The following PTPRC variants were observed in gnomAD, a reference collection of about 807,000 sequenced individuals.
PTPRC encodes the protein receptor-type tyrosine-protein phosphatase C.
Under a neutral mutation model 155.9 loss-of-function variants are expected in PTPRC, and 44 were observed. That is an observed-to-expected ratio of 0.28 (90% CI 0.22 to 0.36). PTPRC has a LOEUF of 0.36. PTPRC is among the 10% of genes least tolerant of loss of function. The pLI is 1.00. For synonymous variants in PTPRC, 525 were observed against 533.1 expected (o/e 0.98, Z 0.21); for missense variants, 1,401 against 1,564.6 (o/e 0.90, Z 1.76).
At chr1:198,738,780 G>A (rs185164858) in intron 23 of PTPRC, among the ~76,000 whole-genome samples, 26 of 151,654 alleles carry the variant, frequency 1.7e-4, no homozygotes, top group Non-Finnish European at 3.4e-4. Flanking sequence ...ATTAGGTCCC[G>A]GGCTTTTCTT....
intron 3 of PTPRC, chr1:198,694,492 C>A: frequency 1.0e-6 from 1 of 1,003,622 alleles, no homozygotes; most frequent in Non-Finnish European, 1.2e-6. Context: ...GAGAATGTTG[C>A]ATGATTTTCC....
Position 198,706,820 on chromosome 1 carries a change from G to T in PTPRC, c.772G>T (p.Val258Leu). 2 of 1,613,106 alleles carry T rather than the reference G, an allele frequency of 1.2e-6. No individual in the cohort carries two copies. Among genetic ancestry groups the T allele is most frequent in the Non-Finnish European group, 1.7e-6 (2 of 1,179,206 alleles). The change falls in exon 9 of 33, where the codon GTG becomes TTG. Residue 258 changes from valine (V) to leucine (L), a missense_variant. Val to Leu is a conservative substitution (Grantham distance 32, BLOSUM62 1). This residue lies in a region of PTPRC where 867 missense variants were observed against 970.4 expected (regional missense o/e 0.89). Coordinates refer to ENST00000442510, the MANE Select transcript of PTPRC (RefSeq NM_002838.5). ...FTAKLNVNEN[V>L]ECGNNTCTNN... ...AGCAAAGCTAAATGTTAATGAGAAT[G>T]TGGAATGTGGAAACAATACTTGCAC... is the stretch of plus-strand genomic sequence containing the variant.
chr1:198,677,283 G>T (rs1026106660), intron 2 of PTPRC, among the ~76,000 whole-genome samples: 1 of 152,060 alleles, frequency 6.6e-6, no homozygotes, highest in Non-Finnish European at 1.5e-5. Flanking sequence ...AATAATTCCT[G>T]TCACCTGGGG....
chr1:198,704,215 G>T (rs746424669), intron 7 of PTPRC, among the ~76,000 whole-genome samples: 2 of 152,006 alleles, frequency 1.3e-5, no homozygotes, highest in South Asian at 4.1e-4. Flanking sequence ...AATTAGATGC[G>T]TACCTAAAAG....
At chr1:198,721,493 TTAAAG>T (rs1288462019) in intron 14 of PTPRC, among the ~76,000 whole-genome samples, 1 of 152,158 alleles carries the variant, frequency 6.6e-6, no homozygotes, top group Non-Finnish European at 1.5e-5. Flanking sequence ...TCAATGATTC[TTAAAG>T]TAAAACATTT....
At chr1:198,672,152 T>G (rs1298989884) in intron 2 of PTPRC, among the ~76,000 whole-genome samples, 1 of 152,186 alleles carries the variant, frequency 6.6e-6, no homozygotes, top group South Asian at 2.1e-4. Context: ...TTAAGACCAA[T>G]GAAATGTGAA....
At chr1:198,751,644 C>G (rs1655388683) in intron 29 of PTPRC, among the ~76,000 whole-genome samples, 1 of 152,042 alleles carries the variant, frequency 6.6e-6, no homozygotes, top group Non-Finnish European at 1.5e-5. Flanking sequence ...ACCGGCAGGA[C>G]TCCCTGTCTT....
chr1:198,667,452 GA>G (rs1453137276), intron 2 of PTPRC, among the ~76,000 whole-genome samples: 1 of 151,868 alleles, frequency 6.6e-6, no homozygotes. Flanking sequence ...TACAAAGACT[GA>G]AAAAAAATAA....
Position 198,752,272 on chromosome 1 carries a change from A to G in PTPRC, c.3231A>G (p.Gly1077=). The part of the protein sequence containing the change: ...GDQEICAQYW[G]EGKQTYGDIE... ...AGGAAATCTGTGCTCAGTACTGGGG[A>G]GAAGGAAAGCAAACATATGGAGATA... Residue 1077 remains glycine, a synonymous_variant, in exon 30 of 33, where the codon GGA becomes GGG. Transcript: ENST00000442510. 1 of 1,611,876 alleles carries G rather than the reference A, an allele frequency of 6.2e-7. No homozygotes were observed. The highest frequency in any genetic ancestry group is 8.5e-7 in the Non-Finnish European group (1 of 1,178,382).
intron 2 of PTPRC, among the ~76,000 whole-genome samples, chr1:198,677,544 A>G (rs1332910071): frequency 1.3e-5 from 2 of 150,642 alleles, no homozygotes; most frequent in African/African-American, 2.4e-5. Context: ...GACATTACTT[A>G]TTTTGGGGGA....
At chr1:198,647,572 T>C (rs979304428) in intron 2 of PTPRC, among the ~76,000 whole-genome samples, 1 of 151,928 alleles carries the variant, frequency 6.6e-6, no homozygotes, top group Admixed American at 6.6e-5. Context: ...TTTGTTTTTC[T>C]TCCTCTATCT....
At position 198,752,336 on chromosome 1, in the gene PTPRC, T is replaced by C. The variant is rs951725063; in HGVS notation, c.3295T>C (p.Tyr1099His). The C allele has an allele frequency of 1.2e-6, 2 of 1,612,638 alleles. No individual in the cohort carries two copies. The highest frequency in any genetic ancestry group is 1.6e-4 in the Middle Eastern group (1 of 6,070). The change falls in exon 30 of 33, where the codon TAT becomes CAT. Residue 1099 changes from tyrosine to histidine, a missense_variant. Transcript: ENST00000442510. ...DLKDTDKSST[Y>H]TLRVFELRHS... ...GAAAGACACAGACAAATCTTCAACTTATACCCTTCGTGTCTTTGAACTGAG... is the reference window on the plus strand; with the variant it reads ...GAAAGACACAGACAAATCTTCAACTCATACCCTTCGTGTCTTTGAACTGAG...
rs1571901378 is a variant in PTPRC, at chr1:198,757,045, A to G, written c.*864A>G. The G allele has an allele frequency of 6.6e-6, 1 of 151,912 alleles. No individual in the cohort carries two copies. The highest frequency in any genetic ancestry group is 1.9e-4 in the East Asian group (1 of 5,172). 9.4% of individuals were successfully genotyped at this position (151,912 alleles called of 1,614,324 possible). ...TTAATATTCATTGTATAAAAATAGA[A>G]GAATACAAACATATTTGTTAAATAT... On this transcript the variant is annotated 3_prime_UTR_variant, in exon 33 of 33. Transcript: ENST00000442510.
chr1:198,755,237 TA>T (rs1272586611), intron 32 of PTPRC, among the ~76,000 whole-genome samples: 1 of 152,082 alleles, frequency 6.6e-6, no homozygotes, highest in African/African-American at 2.4e-5. Flanking sequence ...TATATTCTTG[TA>T]ATCGATCTAT....
chr1:198,662,703 A>G (rs1315890885), intron 2 of PTPRC, among the ~76,000 whole-genome samples: 2 of 152,150 alleles, frequency 1.3e-5, no homozygotes, highest in Admixed American at 1.3e-4. Context: ...TCCACTTTCC[A>G]CACATTGACC....
intron 5 of PTPRC, 147 bp from the exon 6 acceptor site, chr1:198,702,240 T>C (rs773762946): frequency 3.9e-6 from 4 of 1,018,678 alleles, no homozygotes; most frequent in Non-Finnish European, 6.1e-6. Context: ...TACAGTTCTG[T>C]AGAATGCATG....
At position 198,695,957 on chromosome 1, in the gene PTPRC, C is replaced by T. The variant is rs550498598; in HGVS notation, c.101-755C>T. On this transcript the variant is annotated intron_variant, in intron 3 of 32. Transcript: ENST00000442510. Reference sequence around the variant, plus strand: ...CGGGTGGATCACGAGGTCAGGAGATCGAGACCATCCTGGCCAACATGGTGA... The same window carrying T: ...CGGGTGGATCACGAGGTCAGGAGATTGAGACCATCCTGGCCAACATGGTGA... Among the ~76,000 whole-genome samples the T allele has an allele frequency of 3.9e-5, 6 of 152,068 alleles. No individual in the cohort carries two copies. In the South Asian group the frequency reaches 1.0e-3, roughly 26 times the overall value.
At position 198,692,218 on chromosome 1, in the gene PTPRC, C is replaced by T. The variant is rs141422428; in HGVS notation, c.74-129C>T. ...AAATATAGTTTCATTAGGGTAAAAG[C>T]TACTGAAAATTGCCACTTGGTGAAT... is the stretch of plus-strand genomic sequence containing the variant. On this transcript the variant is annotated intron_variant, in intron 2 of 32. Coordinates refer to ENST00000442510, the MANE Select transcript of PTPRC (RefSeq NM_002838.5). 1.1e-3 allele frequency: 621 copies of T among 576,424 alleles called. 4 individuals carry two copies. The Middle Eastern group carries it at 0.024, about 22-fold the overall frequency. The allele number at this position is 576,424 out of a possible 1,614,324, so 35.7% of individuals were successfully genotyped here.
chr1:198,731,399 G>C (rs1482934093), intron 17 of PTPRC, among the ~76,000 whole-genome samples: 1 of 152,024 alleles, frequency 6.6e-6, no homozygotes, highest in Non-Finnish European at 1.5e-5. Context: ...CATTCTAGTA[G>C]AGAGAACAAT....
Sources: gnomAD v4.1 joint callset for allele counts (sites outside exome capture counted in the v4.1 genomes callset) on GRCh38, gnomAD v4.1.1 for gene constraint, gnomAD v4.1.1 regional missense constraint, MANE v1.5 for transcripts, NCBI Gene and HGNC (gene_info 2026-07-23, HGNC 2026-07-21) for gene names.